SLX4IP: variants seen among roughly 807,000 people sequenced by gnomAD.
SLX4IP encodes the protein protein SLX4IP.
In SLX4IP, 34 loss-of-function variants were observed where a neutral mutation model predicts 32.9. The ratio of observed to expected loss-of-function variants is 1.03; its 90% confidence interval spans 0.79 to 1.38. The LOEUF (loss-of-function observed/expected upper bound fraction) is 1.38. SLX4IP is among the 40% of genes most tolerant of loss of function. SLX4IP has a pLI of 0.00. For missense variants in SLX4IP, 444 were observed against 479.0 expected, an observed-to-expected ratio of 0.93 and a Z score of 0.68; for synonymous variants, 172 against 171.7, an observed-to-expected ratio of 1.00 and a Z score of -0.01.
chr20:10,531,755 C>G (rs1383285298), intron 2 of SLX4IP, among the ~76,000 whole-genome samples: 1 of 152,130 alleles, frequency 6.6e-6, no homozygotes, highest in Non-Finnish European at 1.5e-5. Flanking sequence ...CTTGAACTTT[C>G]AAGGTGAACT....
chr20:10,503,055 G>A (rs1356162302), intron 2 of SLX4IP, among the ~76,000 whole-genome samples: 1 of 152,130 alleles, frequency 6.6e-6, no homozygotes, highest in Non-Finnish European at 1.5e-5. Flanking sequence ...AGTGCCTTGT[G>A]CTGCCTTAGA....
At chr20:10,576,770 C>T (rs1257145616) in intron 4 of SLX4IP, among the ~76,000 whole-genome samples, 1 of 152,040 alleles carries the variant, frequency 6.6e-6, no homozygotes, top group East Asian at 1.9e-4. Context: ...TATATACCCA[C>T]AATATAAGTT....
chr20:10,469,265 T>G (rs1204856292), intron 2 of SLX4IP, among the ~76,000 whole-genome samples: 2 of 152,202 alleles, frequency 1.3e-5, no homozygotes, highest in African/African-American at 4.8e-5. Context: ...TGGTCTTTTT[T>G]TCAGTTCCAG....
chr20:10,518,479 T>C lies in SLX4IP; in HGVS notation c.28-37752T>C, dbSNP rs1166063444. 1.6e-3 allele frequency among the ~76,000 whole-genome samples: 72 copies of C among 45,200 alleles called. 1 individual carries two copies. The highest frequency in any genetic ancestry group is 3.5e-3 in the Non-Finnish European group (59 of 16,930). The allele number at this position is 45,200 out of a possible 152,430, so 29.7% of individuals were successfully genotyped here. On this transcript the variant is annotated intron_variant, in intron 2 of 7. Transcript: ENST00000334534. ...CCTTCCTTCCTTTCCTTTCTTTTCC[T>C]TTCCTTTCCTTTTCCTTCCTTCCTT...
chr20:10,585,547 C>T (rs2066636228), intron 4 of SLX4IP, among the ~76,000 whole-genome samples: 1 of 144,378 alleles, frequency 6.9e-6, no homozygotes, highest in African/African-American at 2.4e-5. Flanking sequence ...TCCCCTTTCC[C>T]CTTTCCTTTC....
intron 2 of SLX4IP, among the ~76,000 whole-genome samples, chr20:10,501,131 T>C (rs990105652): frequency 6.6e-6 from 1 of 152,200 alleles, no homozygotes; most frequent in Non-Finnish European, 1.5e-5. Context: ...AGCACAAGTT[T>C]AGCCATATGT....
chr20:10,445,026 A>G (rs553122584), intron 1 of SLX4IP, among the ~76,000 whole-genome samples: 10 of 152,236 alleles, frequency 6.6e-5, no homozygotes, highest in African/African-American at 2.4e-4. Flanking sequence ...TGTGTTCCCC[A>G]CAGATTCTCC....
chr20:10,572,371 T>C (rs2066476405), intron 4 of SLX4IP, among the ~76,000 whole-genome samples: 1 of 152,200 alleles, frequency 6.6e-6, no homozygotes. Context: ...AACACATCTG[T>C]CTTTAAATTA....
Position 10,601,820 on chromosome 20 carries a change from G to T in SLX4IP, c.405+1G>T, listed in dbSNP as rs148856218. The T allele has an allele frequency of 6.2e-7, 1 of 1,613,068 alleles. No individual in the cohort carries two copies. On this transcript the variant is annotated splice_donor_variant, in intron 6 of 7. Coordinates refer to ENST00000334534, the MANE Select transcript of SLX4IP (RefSeq NM_001009608.3). LOFTEE classifies it high-confidence loss of function. ...TTTAGCAAGTCAGAATGAAGATTTG[G>T]TGAGTATGAAAAAATTCTATAAACA...
chr20:10,555,209 AC>A (rs1348951322), intron 2 of SLX4IP, among the ~76,000 whole-genome samples: 1 of 151,628 alleles, frequency 6.6e-6, no homozygotes, highest in Non-Finnish European at 1.5e-5. Flanking sequence ...AAAAAAAAAA[AC>A]AAAACTGTCC....
intron 7 of SLX4IP, among the ~76,000 whole-genome samples, chr20:10,621,840 A>G (rs1426523888): frequency 6.6e-6 from 1 of 152,226 alleles, no homozygotes; most frequent in Non-Finnish European, 1.5e-5. Flanking sequence ...GCCGAAATAA[A>G]TATTTCAGCT....
rs150415899 is a variant in SLX4IP at position 10,533,881 on chromosome 20, A to C, written c.28-22350A>C. Among the ~76,000 whole-genome samples, 416 of 152,150 alleles carry C rather than the reference A, an allele frequency of 2.7e-3. 1 individual carries two copies. The highest frequency in any genetic ancestry group is 9.3e-3 in the African/African-American group (386 of 41,500). ...GTGGTCCTCCTGCCTCAGCCTCCCA[A>C]AGTGCTAGGATTATAGGTATGAGCC... On this transcript the variant is annotated intron_variant, in intron 2 of 7. Transcript: ENST00000334534.
intron 2 of SLX4IP, among the ~76,000 whole-genome samples, chr20:10,546,881 A>T (rs1287101738): frequency 1.3e-5 from 2 of 152,196 alleles, no homozygotes; most frequent in Admixed American, 1.3e-4. Flanking sequence ...GGGAGGGTCT[A>T]AAGAAATGAA....
At chr20:10,520,591 C>G (rs1191596628) in intron 2 of SLX4IP, among the ~76,000 whole-genome samples, 1 of 151,990 alleles carries the variant, frequency 6.6e-6, no homozygotes. Context: ...ATTGCCTTAC[C>G]AAGATTATGA....
intron 6 of SLX4IP, among the ~76,000 whole-genome samples, chr20:10,620,935 A>C (rs982462798): frequency 1.3e-5 from 2 of 151,886 alleles, no homozygotes; most frequent in Non-Finnish European, 2.9e-5. Flanking sequence ...CTGTGTCACC[A>C]GGTCTTGCTA....
chr20:10,559,049 C>T (rs1421031514), intron 3 of SLX4IP, among the ~76,000 whole-genome samples: 1 of 151,984 alleles, frequency 6.6e-6, no homozygotes, highest in Non-Finnish European at 1.5e-5. Flanking sequence ...TCCTTGTTTC[C>T]ATGTATGTCT....
intron 4 of SLX4IP, among the ~76,000 whole-genome samples, chr20:10,585,334 TG>T (rs1310998866): frequency 2.0e-5 from 3 of 152,214 alleles, no homozygotes; most frequent in African/African-American, 4.8e-5. Flanking sequence ...TTCACTATGG[TG>T]GCTGGCCTTC....
chr20:10,448,425 A>T (rs1486979779), intron 1 of SLX4IP, among the ~76,000 whole-genome samples: 1 of 152,222 alleles, frequency 6.6e-6, no homozygotes, highest in Non-Finnish European at 1.5e-5. Context: ...GACACTTTGC[A>T]CTGTACCATG....
chr20:10,536,761 A>G (rs1032439692), intron 2 of SLX4IP, among the ~76,000 whole-genome samples: 2 of 152,248 alleles, frequency 1.3e-5, no homozygotes, highest in African/African-American at 2.4e-5. Context: ...AATCCCTACA[A>G]TGAAATGAAT....
Sources: allele counts gnomAD v4.1 joint callset (sites outside exome capture counted in the v4.1 genomes callset), GRCh38; gene constraint gnomAD v4.1.1; transcripts MANE v1.5; gene names NCBI Gene and HGNC (gene_info 2026-07-23, HGNC 2026-07-21).